Variants in RANBP9 observed in about 807,000 individuals in gnomAD.
RANBP9 encodes the protein RAN binding protein 9.
A neutral mutation model predicts 84.3 loss-of-function variants in RANBP9; 15 were observed. The ratio of observed to expected loss-of-function variants is 0.18; its 90% confidence interval spans 0.12 to 0.27. RANBP9 has a LOEUF of 0.27. Among genes scored for constraint, RANBP9 ranks in the 10% least tolerant of loss-of-function variants. The probability of loss-of-function intolerance (pLI) is 1.00; values close to 1 mark genes in which losing one functional copy is unlikely to be tolerated. For missense variants in RANBP9, 809 were observed against 912.8 expected, an observed-to-expected ratio of 0.89 and a Z score of 1.46; for synonymous variants, 392 against 349.6, an observed-to-expected ratio of 1.12 and a Z score of -1.35.
intron 2 of RANBP9, among the ~76,000 whole-genome samples, chr6:13,687,922 C>G (rs1434102581): frequency 6.6e-6 from 1 of 152,212 alleles, no homozygotes; most frequent in Non-Finnish European, 1.5e-5. Context: ...CATCTCCAGA[C>G]ACATTCCTCC....
At chr6:13,628,596 C>T (rs1344264087) in intron 12 of RANBP9, among the ~76,000 whole-genome samples, 1 of 152,164 alleles carries the variant, frequency 6.6e-6, no homozygotes, top group African/African-American at 2.4e-5. Flanking sequence ...TAGAGTGAAG[C>T]TGTAAGCAAC....
At chr6:13,676,176 C>T (rs1020755238) in intron 2 of RANBP9, among the ~76,000 whole-genome samples, 2 of 151,874 alleles carry the variant, frequency 1.3e-5, no homozygotes, top group African/African-American at 2.4e-5. Context: ...AATGTTTGTC[C>T]TCAGAATATA....
intron 5 of RANBP9, among the ~76,000 whole-genome samples, chr6:13,651,220 G>A (rs1765288239): frequency 6.6e-6 from 1 of 152,094 alleles, no homozygotes. Context: ...TGTCACAGAT[G>A]ATGCAGATTA....
At chr6:13,699,442 T>A (rs1374321615) in intron 1 of RANBP9, among the ~76,000 whole-genome samples, 1 of 152,250 alleles carries the variant, frequency 6.6e-6, no homozygotes, top group Non-Finnish European at 1.5e-5. Flanking sequence ...CCAAGTTGAG[T>A]ATCCCTTATC....
intron 11 of RANBP9, 134 bp downstream of exon 11, chr6:13,634,297 C>A: frequency 9.5e-7 from 1 of 1,053,594 alleles, no homozygotes; most frequent in Non-Finnish European, 1.3e-6. Flanking sequence ...AAGTGCTATG[C>A]ATTACTGTCA....
intron 12 of RANBP9, among the ~76,000 whole-genome samples, chr6:13,630,121 T>C (rs937556056): frequency 1.3e-5 from 2 of 152,188 alleles, no homozygotes; most frequent in African/African-American, 4.8e-5. Context: ...GTTCTTTGGC[T>C]ACTTATATAT....
chr6:13,626,863 G>A (rs921915213), intron 12 of RANBP9, among the ~76,000 whole-genome samples: 5 of 152,142 alleles, frequency 3.3e-5, no homozygotes, highest in Non-Finnish European at 7.3e-5. Context: ...AGAGGTGGGG[G>A]AAAGGCTTCT....
At chr6:13,697,171 A>T (rs1189898559) in intron 1 of RANBP9, among the ~76,000 whole-genome samples, 3 of 152,240 alleles carry the variant, frequency 2.0e-5, no homozygotes, top group African/African-American at 7.2e-5. Context: ...TGCAAATTAA[A>T]TAAAAGACAT....
At chr6:13,658,872 T>G in intron 2 of RANBP9, 40 bp from the exon 3 acceptor site, 1 of 1,501,518 alleles carries the variant, frequency 6.7e-7, no homozygotes, top group Non-Finnish European at 9.3e-7. Flanking sequence ...AAGGACATTA[T>G]TACAGTCATA....
chr6:13,638,023 C>G lies in RANBP9; in HGVS notation c.1526-68G>C. On this transcript the variant is annotated intron_variant, in intron 9 of 13. Transcript: ENST00000011619. The stretch of plus-strand genomic sequence containing the variant: ...TTTATTAATACGGTTGTAAACAAGT[C>G]TCCATGTTGATTTTGTACTAAGACT... 3 of 1,401,254 alleles carry G rather than the reference C, an allele frequency of 2.1e-6. No homozygotes were observed. The South Asian group carries it at 4.4e-5, about 21-fold the overall frequency. The allele number at this position is 1,401,254 out of a possible 1,614,324, so 86.8% of individuals were successfully genotyped here.
At position 13,688,176 on chromosome 6, in the gene RANBP9, T is replaced by C. The variant is rs1031733223; in HGVS notation, c.683+8609A>G. ...CAGACTGAGAGAGTCTGTCAAAAAA[T>C]ACAAAACCACAGAACCAGTTAAGTA... On this transcript the variant is annotated intron_variant, in intron 2 of 13. Coordinates refer to ENST00000011619, the MANE Select transcript of RANBP9 (RefSeq NM_005493.3). Among the ~76,000 whole-genome samples, 153 of 152,216 alleles carry C rather than the reference T, an allele frequency of 1.0e-3. 13 individuals carry two copies. The highest frequency in any genetic ancestry group is 1.5e-5 in the Non-Finnish European group (1 of 68,034).
chr6:13,670,936 A>G (rs1427475635), intron 2 of RANBP9, among the ~76,000 whole-genome samples: 3 of 152,200 alleles, frequency 2.0e-5, no homozygotes, highest in Admixed American at 6.5e-5. Context: ...CATATATCTG[A>G]TAGGGTAACT....
intron 7 of RANBP9, among the ~76,000 whole-genome samples, chr6:13,642,142 C>T (rs1388829282): frequency 1.3e-5 from 2 of 152,130 alleles, no homozygotes; most frequent in African/African-American, 2.4e-5. Flanking sequence ...CATACTATCT[C>T]CTCCAACTAA....
At chr6:13,710,786 C>T in intron 1 of RANBP9, 149 bp downstream of exon 1, 3 of 812,686 alleles carry the variant, frequency 3.7e-6, no homozygotes, top group Admixed American at 3.5e-5. Context: ...GACCCCCGCG[C>T]CCACCCGGAG....
chr6:13,691,352 TTCAC>T (rs1766318578), intron 2 of RANBP9, among the ~76,000 whole-genome samples: 1 of 152,188 alleles, frequency 6.6e-6, no homozygotes, highest in Non-Finnish European at 1.5e-5. Flanking sequence ...AATATATTCT[TTCAC>T]TCAATAAAAG....
At chr6:13,705,883 A>G (rs992703138) in intron 1 of RANBP9, among the ~76,000 whole-genome samples, 1 of 151,662 alleles carries the variant, frequency 6.6e-6, no homozygotes, top group African/African-American at 2.4e-5. Context: ...AAAAAAAAAA[A>G]AAAGAAACAT....
chr6:13,665,986 A>G (rs1240562986), intron 2 of RANBP9, among the ~76,000 whole-genome samples: 1 of 152,174 alleles, frequency 6.6e-6, no homozygotes, highest in African/African-American at 2.4e-5. Flanking sequence ...CTAACTAGGA[A>G]GGAGCATGAG....
chr6:13,703,277 C>T (rs1221030390), intron 1 of RANBP9, among the ~76,000 whole-genome samples: 2 of 152,162 alleles, frequency 1.3e-5, no homozygotes, highest in South Asian at 4.1e-4. Context: ...TTCAGGGTCC[C>T]CATCTTTGGC....
intron 2 of RANBP9, among the ~76,000 whole-genome samples, chr6:13,676,741 C>G (rs962279879): frequency 6.6e-6 from 1 of 151,988 alleles, no homozygotes. Context: ...TCAATCACAT[C>G]AAGAAACTAA....
Sources: gnomAD v4.1 joint callset for allele counts (sites outside exome capture counted in the v4.1 genomes callset) on GRCh38, gnomAD v4.1.1 for gene constraint, MANE v1.5 for transcripts, NCBI Gene and HGNC (gene_info 2026-07-23, HGNC 2026-07-21) for gene names.